Variants in MAST2 observed in about 807,000 individuals in gnomAD.
MAST2 encodes the protein microtubule associated serine/threonine kinase 2, also known as microtubule-associated serine/threonine-protein kinase 2.
MAST2 carries 70 observed loss-of-function variants against 147.4 expected under a neutral mutation model. That is an observed-to-expected ratio of 0.47 (90% CI 0.39 to 0.58). The LOEUF (loss-of-function observed/expected upper bound fraction) is 0.58, where lower values mean the gene tolerates loss of function less well. Ranked by LOEUF, MAST2 falls within the 20% of genes least tolerant of loss-of-function variation. The pLI, the probability that MAST2 is intolerant of heterozygous loss-of-function variation, is 0.00. For synonymous variants in MAST2, 869 were observed against 896.8 expected, an observed-to-expected ratio of 0.97 and a Z score of 0.55; for missense variants, 2,080 against 2,302.3, an observed-to-expected ratio of 0.90 and a Z score of 1.98.
intron 4 of MAST2, among the ~76,000 whole-genome samples, chr1:45,922,803 A>C (rs748095464): frequency 6.6e-6 from 1 of 152,002 alleles, no homozygotes; most frequent in Non-Finnish European, 1.5e-5. Context: ...GACTCTGTAG[A>C]GCATGCAGCC....
At chr1:45,848,450 G>C (rs1645514443) in intron 3 of MAST2, among the ~76,000 whole-genome samples, 1 of 152,224 alleles carries the variant, frequency 6.6e-6, no homozygotes, top group South Asian at 2.1e-4. Flanking sequence ...TGGACACTGA[G>C]TCTTTGGTGA....
chr1:46,026,934 TACCTTTGATGTGTTACTCTAGAAA>T (rs1299449847), intron 16 of MAST2, among the ~76,000 whole-genome samples: 1 of 152,236 alleles, frequency 6.6e-6, no homozygotes, highest in Non-Finnish European at 1.5e-5. Context: ...TAATTACACC[TACCTTTGATGTGTTACTCTAGAAA>T]ACATTTCAGG....
Position 46,023,283 on chromosome 1 carries a change from C to T in MAST2, c.1536C>T (p.Phe512=), listed in dbSNP as rs763244712. The T allele has an allele frequency of 6.2e-6, 10 of 1,614,040 alleles. No homozygotes were observed. The highest frequency in any genetic ancestry group is 4.4e-5 in the South Asian group (4 of 91,088). Residue 512 remains phenylalanine (F), a synonymous_variant, in exon 14 of 29, where the codon TTC becomes TTT. Coordinates refer to ENST00000361297, the MANE Select transcript of MAST2 (RefSeq NM_015112.3). This position sits in a 1 kb window ranked among gnomAD's most constrained non-coding sequence, Gnocchi z 4.9. ...AAAAGACACCCTCTGAAGAGGACTT[C>T]GAGACCATTAAGCTCATCAGCAATG... ...PSKKTPSEED[F]ETIKLISNGA... is the part of the protein sequence containing the mutation.
chr1:45,913,944 C>A, intron 4 of MAST2: 2 of 1,066,746 alleles, frequency 1.9e-6, no homozygotes, highest in Non-Finnish European at 2.4e-6. Context: ...TGCCAACTAA[C>A]ACAGCTTCGT....
chr1:45,871,426 A>G (rs1646389509), intron 3 of MAST2, among the ~76,000 whole-genome samples: 1 of 152,144 alleles, frequency 6.6e-6, no homozygotes, highest in African/African-American at 2.4e-5. Context: ...CAACAACAAA[A>G]CCATGAAATT....
intron 10 of MAST2, among the ~76,000 whole-genome samples, chr1:46,014,575 T>C (rs1346320629): frequency 6.6e-6 from 1 of 152,094 alleles, no homozygotes; most frequent in Admixed American, 6.5e-5. Context: ...CAGTCTATCA[T>C]TGTTGGACAT....
chr1:45,888,663 CTTTTTTTTTTTTTTTTTTTTTTTT>C (rs71587722), intron 4 of MAST2, among the ~76,000 whole-genome samples: 4 of 48,686 alleles, frequency 8.2e-5, no homozygotes, highest in South Asian at 1.4e-3. Flanking sequence ...CGCGCGGCCT[CTTTTTTTTTTTTTTTTTTTTTTTT>C]TTTTTTTTTT....
At chr1:45,879,587 A>AAG (rs1646756785) in intron 3 of MAST2, among the ~76,000 whole-genome samples, 1 of 151,412 alleles carries the variant, frequency 6.6e-6, no homozygotes, top group Non-Finnish European at 1.5e-5. Context: ...AAAAAAAAAA[A>AAG]AAAAGGCACC....
At position 45,997,792 on chromosome 1, in the gene MAST2, G is replaced by A; in HGVS notation, c.661G>A (p.Ala221Thr). ...ACCTGCTCACTTTTCTTTTGTTCCT[G>A]CCCGTAGGTAAGTTGATAGGAAACC... Reference protein sequence around the residue: ...NAPAHFSFVPARRTDGRRWSL... With the variant: ...NAPAHFSFVPTRRTDGRRWSL... The change falls in exon 6 of 29, where the codon GCC becomes ACC. Residue 221 changes from alanine (A) to threonine (T), a missense_variant. Ala to Thr is a moderately conservative substitution (Grantham distance 58). Coordinates refer to ENST00000361297, the MANE Select transcript of MAST2 (RefSeq NM_015112.3). 1 of 1,614,022 alleles carries A rather than the reference G, an allele frequency of 6.2e-7. No homozygotes were observed. The highest frequency in any genetic ancestry group is 8.5e-7 in the Non-Finnish European group (1 of 1,179,938).
intron 5 of MAST2, among the ~76,000 whole-genome samples, chr1:45,969,749 A>G (rs1643836534): frequency 6.6e-6 from 1 of 152,118 alleles, no homozygotes; most frequent in African/African-American, 2.4e-5. Flanking sequence ...GTGTAATAAT[A>G]ATAGAAACAA....
chr1:45,857,249 G>A (rs937152869), intron 3 of MAST2, among the ~76,000 whole-genome samples: 5 of 152,158 alleles, frequency 3.3e-5, no homozygotes, highest in Non-Finnish European at 7.3e-5. Context: ...GTAAATCAAT[G>A]AAAGGAAGAC....
intron 4 of MAST2, among the ~76,000 whole-genome samples, chr1:45,883,161 G>A (rs1646920922): frequency 6.6e-6 from 1 of 152,200 alleles, no homozygotes; most frequent in Non-Finnish European, 1.5e-5. Context: ...AAATAGAGCT[G>A]TGATAAAACA....
chr1:46,003,302 CA>C (rs1352559464), intron 7 of MAST2, among the ~76,000 whole-genome samples: 3 of 151,836 alleles, frequency 2.0e-5, no homozygotes, highest in Non-Finnish European at 4.4e-5. Flanking sequence ...CTTTTTCTTT[CA>C]AAAAAGAAGG....
At chr1:45,851,147 G>T (rs1179679407) in intron 3 of MAST2, among the ~76,000 whole-genome samples, 4 of 152,056 alleles carry the variant, frequency 2.6e-5, no homozygotes, top group African/African-American at 9.7e-5. Context: ...TCTTTTAGCA[G>T]TGTTTGTAGT....
At chr1:45,969,478 T>C (rs1209025164) in intron 5 of MAST2, among the ~76,000 whole-genome samples, 1 of 152,166 alleles carries the variant, frequency 6.6e-6, no homozygotes, top group East Asian at 1.9e-4. Flanking sequence ...CCGCTCCTTA[T>C]CACTCACATT....
At chr1:45,922,331 C>T (rs1433404718) in intron 4 of MAST2, among the ~76,000 whole-genome samples, 2 of 152,226 alleles carry the variant, frequency 1.3e-5, no homozygotes, top group Non-Finnish European at 2.9e-5. Flanking sequence ...TGTGGACCAG[C>T]TTCTCTCCAC....
chr1:45,898,149 G>A (rs1281774494), intron 4 of MAST2, among the ~76,000 whole-genome samples: 2 of 151,960 alleles, frequency 1.3e-5, no homozygotes, highest in Non-Finnish European at 2.9e-5. Flanking sequence ...AAAAGAAAAA[G>A]AAAAAATTAT....
chr1:45,951,901 A>G (rs1201004279), intron 4 of MAST2, among the ~76,000 whole-genome samples: 3 of 152,260 alleles, frequency 2.0e-5, no homozygotes. Flanking sequence ...GAGACCTTCC[A>G]GAACTGATTA....
rs1262503076 is a variant in MAST2, at chr1:45,900,709, C to A, written c.500+18314C>A. On this transcript the variant is annotated intron_variant, in intron 4 of 28. Transcript: ENST00000361297. ...CTCGATCTCCTGACCTCATGATCCA[C>A]CTGCCTCGGCCTCCCAAAGTGCTGG... 5.2e-4 allele frequency among the ~76,000 whole-genome samples: 4 copies of A among 7,654 alleles called. 2 individuals are homozygous for A. Among genetic ancestry groups the A allele is most frequent in the Non-Finnish European group, 8.2e-4 (4 of 4,876 alleles). The allele number at this position is 7,654 out of a possible 152,430, so 5.0% of individuals were successfully genotyped here. A position where few individuals can be genotyped will look rare whatever the true frequency, so the allele number is the denominator to read the frequency against.
Sources: allele counts gnomAD v4.1 joint callset (sites outside exome capture counted in the v4.1 genomes callset), GRCh38; gene constraint gnomAD v4.1.1; non-coding constraint Gnocchi (gnomAD v3.1); transcripts MANE v1.5; gene names NCBI Gene and HGNC (gene_info 2026-07-23, HGNC 2026-07-21).